The following MEIS1 variants were observed in gnomAD, a reference collection of about 807,000 sequenced individuals.
The protein encoded by MEIS1 is Meis homeobox 1, also known as homeobox protein Meis1.
In MEIS1, 5 loss-of-function variants were observed where a neutral mutation model predicts 50.8. That is an observed-to-expected ratio of 0.10 (90% CI 0.05 to 0.21). The LOEUF (loss-of-function observed/expected upper bound fraction) is 0.21, where lower values mean the gene tolerates loss of function less well. Ranked by LOEUF, MEIS1 falls within the 10% of genes least tolerant of loss-of-function variation. The probability of loss-of-function intolerance (pLI) is 1.00; values close to 1 mark genes in which losing one functional copy is unlikely to be tolerated. For synonymous variants in MEIS1, 176 were observed against 179.3 expected (o/e 0.98, Z 0.15); for missense variants, 318 against 517.3 (o/e 0.61, Z 3.74).
intron 9 of MEIS1, among the ~76,000 whole-genome samples, chr2:66,555,446 T>G (rs1189473667): frequency 6.6e-6 from 1 of 152,128 alleles, no homozygotes; most frequent in African/African-American, 2.4e-5. Flanking sequence ...TGTAAATGTA[T>G]TTTAGTTTTT....
chr2:66,520,927 A>G (rs1282442867), intron 8 of MEIS1, among the ~76,000 whole-genome samples: 1 of 152,236 alleles, frequency 6.6e-6, no homozygotes, highest in African/African-American at 2.4e-5. Context: ...AGCAAATCAA[A>G]TCGCGTTGTG....
chr2:66,463,600 T>C lies in MEIS1; in HGVS notation c.631-509T>C, dbSNP rs1672569621. Reference sequence around the variant, plus strand: ...GTGCCTATGCCTGGTCCATTTGCCATGTACCATCCGGCAAACAGCTGACAC... The same window carrying C: ...GTGCCTATGCCTGGTCCATTTGCCACGTACCATCCGGCAAACAGCTGACAC... On this transcript the variant is annotated intron_variant, in intron 6 of 12. Transcript: ENST00000272369. 2.0e-5 allele frequency among the ~76,000 whole-genome samples: 3 copies of C among 152,278 alleles called. No individual in the cohort carries two copies. In the South Asian group the frequency reaches 6.2e-4, roughly 32 times the overall value.
intron 7 of MEIS1, among the ~76,000 whole-genome samples, chr2:66,493,208 T>C (rs780294821): frequency 1.3e-5 from 2 of 152,216 alleles, no homozygotes; most frequent in Non-Finnish European, 2.9e-5. Context: ...TGGCATTTAC[T>C]TTTTCCATAG....
intron 7 of MEIS1, among the ~76,000 whole-genome samples, chr2:66,480,874 A>G: frequency 6.6e-6 from 1 of 152,186 alleles, no homozygotes; most frequent in East Asian, 1.9e-4. Context: ...AATCTTTGCA[A>G]TGACAGATGC....
At chr2:66,480,404 T>C (rs1672988737) in intron 7 of MEIS1, among the ~76,000 whole-genome samples, 1 of 152,142 alleles carries the variant, frequency 6.6e-6, no homozygotes, top group African/African-American at 2.4e-5. Context: ...TTTGGGACAA[T>C]TTGAGATGGC....
chr2:66,521,728 A>G (rs903555884), intron 8 of MEIS1, among the ~76,000 whole-genome samples: 1 of 152,272 alleles, frequency 6.6e-6, no homozygotes, highest in African/African-American at 2.4e-5. Flanking sequence ...CTGTATGAAT[A>G]GAATTTTCAG....
chr2:66,547,805 T>G, intron 8 of MEIS1, 138 bp from the exon 9 acceptor site: 1 of 721,352 alleles, frequency 1.4e-6, no homozygotes, highest in Non-Finnish European at 2.4e-6. Flanking sequence ...ATTAATTAGA[T>G]GATGTAGTAT....
intron 7 of MEIS1, among the ~76,000 whole-genome samples, chr2:66,490,164 C>A (rs1010848726): frequency 6.6e-6 from 1 of 152,184 alleles, no homozygotes; most frequent in Non-Finnish European, 1.5e-5. Flanking sequence ...ACAGTTTCAC[C>A]GAAGAGTGTT....
intron 6 of MEIS1, among the ~76,000 whole-genome samples, chr2:66,452,968 AATT>A (rs1672308936): frequency 6.6e-6 from 1 of 151,924 alleles, no homozygotes; most frequent in Non-Finnish European, 1.5e-5. Context: ...TTATTCTAAT[AATT>A]ATTCAAAGGC....
At chr2:66,441,625 C>A in intron 5 of MEIS1, 161 bp downstream of exon 5, 1 of 601,540 alleles carries the variant, frequency 1.7e-6, no homozygotes, top group Non-Finnish European at 2.8e-6. Flanking sequence ...CATTTCTCTT[C>A]GCAGTTTAAT....
Position 66,522,735 on chromosome 2 carries a change from G to A in MEIS1, c.888+10441G>A, listed in dbSNP as rs529938044. 8.7e-4 allele frequency among the ~76,000 whole-genome samples: 133 copies of A among 152,292 alleles called. 2 individuals are homozygous for A. The highest frequency in any genetic ancestry group is 3.5e-3 in the Admixed American group (54 of 15,292). On this transcript the variant is annotated intron_variant, in intron 8 of 12. Transcript: ENST00000272369. ...CTGTTGCCATGCATATGTGGCGAGGGTTTGTTGGGAAGAGGGAGGGGGAGA... is the reference window on the plus strand; with the variant it reads ...CTGTTGCCATGCATATGTGGCGAGGATTTGTTGGGAAGAGGGAGGGGGAGA...
intron 8 of MEIS1, among the ~76,000 whole-genome samples, chr2:66,515,869 G>T (rs531826081): frequency 1.3e-5 from 2 of 152,132 alleles, no homozygotes; most frequent in African/African-American, 4.8e-5. Flanking sequence ...CAATTAAAAC[G>T]TGCTTAATAT....
intron 8 of MEIS1, among the ~76,000 whole-genome samples, chr2:66,526,079 T>C (rs1376081022): frequency 6.6e-6 from 1 of 152,212 alleles, no homozygotes; most frequent in African/African-American, 2.4e-5. Context: ...CCATGGGCAC[T>C]GTCACTCTCA....
intron 9 of MEIS1, among the ~76,000 whole-genome samples, chr2:66,555,335 C>T (rs2300481): frequency 0.36 from 52,022 of 144,652 alleles, 9,554 homozygotes; most frequent in Middle Eastern, 0.4. Context: ...CCACTCCAAG[C>T]ATACGTGGAA....
At chr2:66,487,994 C>T (rs149693040) in intron 7 of MEIS1, among the ~76,000 whole-genome samples, 107 of 152,304 alleles carry the variant, frequency 7.0e-4, no homozygotes, top group South Asian at 1.5e-3. Flanking sequence ...AACCTTAATA[C>T]CCGAGTTTCC....
At chr2:66,523,094 G>A (rs1298479324) in intron 8 of MEIS1, among the ~76,000 whole-genome samples, 2 of 152,174 alleles carry the variant, frequency 1.3e-5, no homozygotes, top group Admixed American at 6.5e-5. Flanking sequence ...TTTTTACACT[G>A]TAAACACATA....
intron 1 of MEIS1, 194 bp from the exon 2 acceptor site, chr2:66,437,543 G>A: frequency 3.3e-6 from 2 of 605,584 alleles, no homozygotes; most frequent in African/African-American, 1.8e-5. Flanking sequence ...GACGAGTCTC[G>A]CTGAGAATTC....
intron 8 of MEIS1, among the ~76,000 whole-genome samples, chr2:66,525,954 A>G (rs946285603): frequency 3.8e-4 from 58 of 152,252 alleles, no homozygotes; most frequent in African/African-American, 1.4e-3. Context: ...CACTCACTGC[A>G]GAAACAACAC....
intron 8 of MEIS1, among the ~76,000 whole-genome samples, chr2:66,512,818 T>C (rs1488306926): frequency 2.0e-5 from 3 of 152,198 alleles, no homozygotes; most frequent in Non-Finnish European, 4.4e-5. Flanking sequence ...ACAGTGAAAG[T>C]TGTCCCTGTA....
Sources: gnomAD v4.1 joint callset for allele counts (sites outside exome capture counted in the v4.1 genomes callset) on GRCh38, gnomAD v4.1.1 for gene constraint, MANE v1.5 for transcripts, NCBI Gene and HGNC (gene_info 2026-07-23, HGNC 2026-07-21) for gene names.